The following LDB2 variants were observed in gnomAD, a reference collection of about 807,000 sequenced individuals.
The protein encoded by LDB2 is LIM domain binding 2.
In LDB2, 12 loss-of-function variants were observed where a neutral mutation model predicts 44.3. That is an observed-to-expected ratio of 0.27 (90% CI 0.17 to 0.44). The LOEUF is 0.44. Ranked by LOEUF, LDB2 falls within the 20% of genes least tolerant of loss-of-function variation. The pLI is 1.00. For synonymous variants in LDB2, 164 were observed against 174.8 expected, an observed-to-expected ratio of 0.94 and a Z score of 0.49; for missense variants, 344 against 473.5, an observed-to-expected ratio of 0.73 and a Z score of 2.54.
At chr4:16,657,155 GAA>G (rs1740109078) in intron 2 of LDB2, among the ~76,000 whole-genome samples, 1 of 152,150 alleles carries the variant, frequency 6.6e-6, no homozygotes. Flanking sequence ...CAGTACATTT[GAA>G]AAGACATTTC....
chr4:16,534,650 G>A (rs1007953015), intron 5 of LDB2, among the ~76,000 whole-genome samples: 1 of 152,126 alleles, frequency 6.6e-6, no homozygotes, highest in African/African-American at 2.4e-5. Context: ...TGCCCATGTG[G>A]TAGACAAAAA....
intron 2 of LDB2, among the ~76,000 whole-genome samples, chr4:16,673,089 G>C (rs1020388965): frequency 1.3e-5 from 2 of 151,446 alleles, no homozygotes; most frequent in Non-Finnish European, 2.9e-5. Context: ...GAAGATTCTG[G>C]TTTGTGACCA....
intron 1 of LDB2, among the ~76,000 whole-genome samples, chr4:16,771,101 C>T (rs1186854767): frequency 6.6e-6 from 1 of 152,058 alleles, no homozygotes; most frequent in Non-Finnish European, 1.5e-5. Context: ...TGTGACCCAC[C>T]CTATTGCATT....
chr4:16,537,656 G>C (rs1272208466), intron 5 of LDB2, among the ~76,000 whole-genome samples: 1 of 152,178 alleles, frequency 6.6e-6, no homozygotes, highest in East Asian at 1.9e-4. Flanking sequence ...TGCTCCTAAT[G>C]TCCTGCTGAC....
chr4:16,555,765 G>C (rs1739351074), intron 5 of LDB2, among the ~76,000 whole-genome samples: 3 of 152,158 alleles, frequency 2.0e-5, no homozygotes, highest in Admixed American at 1.3e-4. Flanking sequence ...CTGATGCATA[G>C]GCAGGTGTTT....
intron 2 of LDB2, among the ~76,000 whole-genome samples, chr4:16,623,765 T>TACACACAC (rs35051593): frequency 7.5e-5 from 11 of 146,918 alleles, no homozygotes; most frequent in African/African-American, 2.5e-4. Context: ...GAAATATACA[T>TACACACAC]ACACACACAC....
intron 4 of LDB2, among the ~76,000 whole-genome samples, chr4:16,586,261 A>G (rs567326825): frequency 2.6e-5 from 4 of 152,100 alleles, no homozygotes; most frequent in Admixed American, 6.5e-5. Context: ...GGGAGAAATG[A>G]TGTTACTTCC....
chr4:16,589,026 C>T (rs1245302404), intron 3 of LDB2, among the ~76,000 whole-genome samples, 194 bp from the exon 4 acceptor site: 1 of 152,188 alleles, frequency 6.6e-6, no homozygotes, highest in Non-Finnish European at 1.5e-5. Context: ...GTTCAAGTGA[C>T]TGTACAGCTG....
chr4:16,609,590 G>A (rs986102063), intron 2 of LDB2, among the ~76,000 whole-genome samples: 6 of 152,196 alleles, frequency 3.9e-5, no homozygotes, highest in African/African-American at 9.6e-5. Flanking sequence ...GGCAGTCTGC[G>A]GCCAGAGTGC....
intron 5 of LDB2, among the ~76,000 whole-genome samples, chr4:16,583,451 T>C (rs1433519995): frequency 6.6e-6 from 1 of 152,192 alleles, no homozygotes; most frequent in African/African-American, 2.4e-5. Context: ...AATACTTCAG[T>C]TGACCTTCTG....
chr4:16,577,259 G>A (rs1411344668), intron 5 of LDB2, among the ~76,000 whole-genome samples: 1 of 152,086 alleles, frequency 6.6e-6, no homozygotes, highest in Non-Finnish European at 1.5e-5. Flanking sequence ...GAAATAAAGG[G>A]CATCCAAACT....
intron 2 of LDB2, among the ~76,000 whole-genome samples, chr4:16,693,710 G>A (rs1751425391): frequency 6.6e-6 from 1 of 152,202 alleles, no homozygotes; most frequent in African/African-American, 2.4e-5. Context: ...CAGTGATGCA[G>A]AGGCCAAGAA....
intron 1 of LDB2, among the ~76,000 whole-genome samples, chr4:16,870,834 A>G (rs1716348203): frequency 6.6e-6 from 1 of 152,030 alleles, no homozygotes; most frequent in Non-Finnish European, 1.5e-5. Flanking sequence ...GGGTTTCACA[A>G]TGTTGGCCAG....
intron 2 of LDB2, among the ~76,000 whole-genome samples, chr4:16,692,068 A>C (rs566916747): frequency 6.6e-6 from 1 of 152,338 alleles, no homozygotes; most frequent in African/African-American, 2.4e-5. Flanking sequence ...TACAGTATTG[A>C]ATTATCATAA....
At chr4:16,585,360 C>T (rs544979049) in intron 5 of LDB2, among the ~76,000 whole-genome samples, 1 of 152,244 alleles carries the variant, frequency 6.6e-6, no homozygotes, top group Non-Finnish European at 1.5e-5. Flanking sequence ...CTGATTCTGC[C>T]TCTTGTCAGG....
At chr4:16,596,844 G>A (rs1560585034) in intron 2 of LDB2, among the ~76,000 whole-genome samples, 2 of 151,992 alleles carry the variant, frequency 1.3e-5, no homozygotes, top group Non-Finnish European at 2.9e-5. Flanking sequence ...TTTCAGCAGC[G>A]ATTTGAAATC....
chr4:16,785,121 T>G (rs1481168223), intron 1 of LDB2, among the ~76,000 whole-genome samples: 1 of 152,092 alleles, frequency 6.6e-6, no homozygotes, highest in East Asian at 1.9e-4. Context: ...AATCCCAATT[T>G]TGTAAAAATA....
At chr4:16,604,091 G>T (rs1723279957) in intron 2 of LDB2, among the ~76,000 whole-genome samples, 1 of 152,124 alleles carries the variant, frequency 6.6e-6, no homozygotes. Context: ...GGCCTCAGTA[G>T]ATCCTCCTGC....
intron 5 of LDB2, among the ~76,000 whole-genome samples, chr4:16,576,849 C>G (rs1711830724): frequency 6.6e-6 from 1 of 152,198 alleles, no homozygotes; most frequent in Admixed American, 6.5e-5. Context: ...TACTATCAAG[C>G]CAAACTCAAC....
Sources: allele counts gnomAD v4.1 joint callset (sites outside exome capture counted in the v4.1 genomes callset), GRCh38; gene constraint gnomAD v4.1.1; transcripts MANE v1.5; gene names NCBI Gene and HGNC (gene_info 2026-07-23, HGNC 2026-07-21).